NFU1: variants seen among roughly 807,000 people sequenced by gnomAD.
The protein encoded by NFU1 is NFU1 iron-sulfur cluster scaffold homolog, mitochondrial.
In NFU1, 30 loss-of-function variants were observed where a neutral mutation model predicts 32.2. The observed-to-expected ratio is 0.93, with a 90% CI of 0.70 to 1.26. The LOEUF (loss-of-function observed/expected upper bound fraction) is 1.26, where lower values mean the gene tolerates loss of function less well. NFU1 is among the 50% of genes most tolerant of loss of function. NFU1 has a pLI of 0.00. For missense variants in NFU1, 306 were observed against 306.6 expected (o/e 1.00, Z 0.02); for synonymous variants, 112 against 104.6 (o/e 1.07, Z -0.43).
chr2:69,415,049 A>C (rs1369628477), intron 5 of NFU1, 136 bp downstream of exon 5: 1 of 630,992 alleles, frequency 1.6e-6, no homozygotes. Context: ...TCAAAATGAT[A>C]TATAAATTTG....
chr2:69,436,049 C>G (rs1048522023), intron 1 of NFU1, among the ~76,000 whole-genome samples: 11 of 152,100 alleles, frequency 7.2e-5, no homozygotes, highest in East Asian at 5.8e-4. Context: ...CGGCACACCA[C>G]TTTAAATTAC....
Position 69,406,062 on chromosome 2 carries a change from C to T in NFU1, c.505G>A (p.Val169Ile). The T allele has an allele frequency of 6.3e-7, 1 of 1,596,268 alleles. No individual in the cohort carries two copies. The highest frequency in any genetic ancestry group is 8.6e-7 in the Non-Finnish European group (1 of 1,165,022). Residue 169 changes from valine (V) to isoleucine (I), a missense_variant, in exon 6 of 8, where the codon GTT becomes ATT. Transcript: ENST00000410022. The stretch of plus-strand genomic sequence containing the variant: ...AACAATTCCTTAATCATTGCCACAA[C>T]TTCATCATCTTCTTCAGATCCTAGA... ...GEAGSEEDDE[V>I]VAMIKELLDT...
chr2:69,422,340 GA>G (rs1673274193), intron 3 of NFU1, among the ~76,000 whole-genome samples: 2 of 152,208 alleles, frequency 1.3e-5, no homozygotes, highest in African/African-American at 4.8e-5. Context: ...GACTATGGCT[GA>G]TCTTGGGTAA....
intron 6 of NFU1, among the ~76,000 whole-genome samples, chr2:69,404,705 C>T (rs915686533): frequency 1.6e-4 from 22 of 135,640 alleles, no homozygotes; most frequent in African/African-American, 6.1e-4. Context: ...CTGCAACCTC[C>T]GCCTCCAGGG....
Position 69,414,945 on chromosome 2 carries a change from C to T in NFU1, c.484+240G>A, listed in dbSNP as rs555536870. On this transcript the variant is annotated intron_variant, in intron 5 of 7. Transcript: ENST00000410022. ...ACATTTGTTAGATATGAGTGGAGGG[C>T]AAATTGGTGAGCATGATATTTTCTG... Among the ~76,000 whole-genome samples the T allele has an allele frequency of 2.0e-5, 3 of 152,134 alleles. No homozygotes were observed. The East Asian group carries it at 5.8e-4, about 29-fold the overall frequency.
chr2:69,433,248 G>A (rs926847588), intron 1 of NFU1, among the ~76,000 whole-genome samples: 6 of 150,272 alleles, frequency 4.0e-5, no homozygotes, highest in African/African-American at 1.5e-4. Flanking sequence ...GCACAATCTC[G>A]GCTCACTGCA....
intron 1 of NFU1, among the ~76,000 whole-genome samples, chr2:69,433,376 CA>C (rs1248555156): frequency 5.3e-5 from 8 of 151,920 alleles, no homozygotes; most frequent in African/African-American, 1.9e-4. Context: ...GACAGGGTTT[CA>C]CCATGTTGGC....
At chr2:69,421,712 C>T (rs1375339734) in intron 3 of NFU1, among the ~76,000 whole-genome samples, 5 of 151,862 alleles carry the variant, frequency 3.3e-5, no homozygotes, top group Admixed American at 1.3e-4. Context: ...GGACTACAGG[C>T]GCCCGCCACC....
intron 1 of NFU1, among the ~76,000 whole-genome samples, chr2:69,436,761 T>C (rs1047006531): frequency 8.5e-5 from 13 of 152,098 alleles, no homozygotes; most frequent in African/African-American, 2.9e-4. Flanking sequence ...CAGAAGTCTT[T>C]GAAAGGTGAA....
At chr2:69,414,631 A>C (rs1370578606) in intron 5 of NFU1, among the ~76,000 whole-genome samples, 13 of 151,434 alleles carry the variant, frequency 8.6e-5, no homozygotes, top group Non-Finnish European at 1.5e-5. Flanking sequence ...AAAAAAAAAA[A>C]AAAAAAAAAA....
In NFU1 at chr2:69,400,487, A is replaced by G. The variant is rs1470041834; in HGVS notation, c.597T>C (p.Asp199=). The part of the protein sequence containing the change: ...GGDVIYKGFE[D]GIVQLKLQGS... ...CCTGGAGTTTCAGCTGTACAATGCC[A>G]TCTTCAAAGCCTTTGTAGATTACAT... The change falls in exon 7 of 8, where the codon GAT becomes GAC. Residue 199 remains aspartate (D), a synonymous_variant. Transcript: ENST00000410022. 6.2e-7 allele frequency: 1 copy of G among 1,614,188 alleles called. No individual in the cohort carries two copies. Among genetic ancestry groups the G allele is most frequent in the African/African-American group, 1.3e-5 (1 of 75,068 alleles).
In NFU1 at chr2:69,433,521, G is replaced by A. The variant is rs992749837; in HGVS notation, c.63-1516C>T. ...GACTGAGTCTCACTTTGTCGCCCAC[G>A]CTGGAGTGCAGTGATGCGATCCCAG... On this transcript the variant is annotated intron_variant, in intron 1 of 7. Transcript: ENST00000410022. Among the ~76,000 whole-genome samples, 8 of 151,552 alleles carry A rather than the reference G, an allele frequency of 5.3e-5. No individual in the cohort carries two copies. In the East Asian group the frequency reaches 5.8e-4, roughly 11 times the overall value.
intron 1 of NFU1, among the ~76,000 whole-genome samples, chr2:69,433,299 C>G (rs1314743690): frequency 6.6e-6 from 1 of 152,000 alleles, no homozygotes; most frequent in East Asian, 1.9e-4. Context: ...CTGCCTCAGC[C>G]TCCCGAGTAG....
intron 5 of NFU1, among the ~76,000 whole-genome samples, chr2:69,409,007 T>C (rs966448070): frequency 5.3e-5 from 8 of 151,336 alleles, no homozygotes; most frequent in African/African-American, 1.7e-4. Context: ...ACCTGGCTAA[T>C]TTTTTTGTAT....
At chr2:69,424,219 A>ATCTCTCTC (rs1373497650) in intron 2 of NFU1, among the ~76,000 whole-genome samples, 1 of 126,882 alleles carries the variant, frequency 7.9e-6, no homozygotes, top group African/African-American at 2.9e-5. Context: ...ATATATATAT[A>ATCTCTCTC]TCTCAATATA....
upstream of NFU1, among the ~76,000 whole-genome samples, chr2:69,438,356 T>TCATC (rs1359350071): frequency 6.6e-6 from 1 of 151,982 alleles, no homozygotes; most frequent in East Asian, 1.9e-4. Flanking sequence ...CTCAAGTGAT[T>TCATC]CATCCTCCAG....
chr2:69,439,450 T>C (rs1373987542), upstream of NFU1, among the ~76,000 whole-genome samples: 4 of 152,288 alleles, frequency 2.6e-5, no homozygotes, highest in South Asian at 6.2e-4. Flanking sequence ...ACCTTTGCGA[T>C]GGGTGTTACA....
intron 3 of NFU1, among the ~76,000 whole-genome samples, chr2:69,422,601 C>A (rs1049548983): frequency 5.3e-5 from 6 of 113,610 alleles, no homozygotes; most frequent in Middle Eastern, 3.9e-3. Flanking sequence ...CCATATTTAT[C>A]AATTTGATGA....
Position 69,396,159 on chromosome 2 carries a change from T to C in NFU1, c.*87A>G. The C allele has an allele frequency of 9.5e-7, 1 of 1,052,198 alleles. No homozygotes were observed. 65.2% of individuals were successfully genotyped at this position (1,052,198 alleles called of 1,614,324 possible). On this transcript the variant is annotated 3_prime_UTR_variant, in exon 8 of 8. Coordinates refer to ENST00000410022, the MANE Select transcript of NFU1 (RefSeq NM_001002755.4). Reference sequence around the variant, plus strand: ...TCTGAAGAGCATATTTTATTAATCTTCAAGTTCCTCAGCATATTAATAATA... The same window carrying C: ...TCTGAAGAGCATATTTTATTAATCTCCAAGTTCCTCAGCATATTAATAATA...
Sources: gnomAD v4.1 joint callset for allele counts (sites outside exome capture counted in the v4.1 genomes callset) on GRCh38, gnomAD v4.1.1 for gene constraint, MANE v1.5 for transcripts, NCBI Gene and HGNC (gene_info 2026-07-23, HGNC 2026-07-21) for gene names.